The following CLYBL variants were observed in gnomAD, a reference collection of about 807,000 sequenced individuals.
The protein encoded by CLYBL is citramalyl-CoA lyase.
CLYBL carries 31 observed loss-of-function variants against 38.9 expected under a neutral mutation model. The observed-to-expected ratio is 0.80, with a 90% CI of 0.60 to 1.08. The LOEUF is 1.08. Ranked by LOEUF, CLYBL falls within the 50% of genes least tolerant of loss-of-function variation. The pLI is 0.00. For synonymous variants in CLYBL, 171 were observed against 158.6 expected (o/e 1.08, Z -0.59); for missense variants, 434 against 411.6 (o/e 1.05, Z -0.47).
chr13:99,846,608 T>C (rs1334724671), intron 2 of CLYBL, among the ~76,000 whole-genome samples: 1 of 152,224 alleles, frequency 6.6e-6, no homozygotes, highest in Non-Finnish European at 1.5e-5. Context: ...GATGCTGCCC[T>C]GCCACACAAG....
chr13:99,803,206 T>C (rs1467554008), intron 2 of CLYBL, among the ~76,000 whole-genome samples: 1 of 152,208 alleles, frequency 6.6e-6, no homozygotes, highest in Non-Finnish European at 1.5e-5. Context: ...CTAGGAAGGT[T>C]TTCTTTCCTC....
chr13:99,618,785 T>G (rs1431999335), intron 1 of CLYBL, among the ~76,000 whole-genome samples: 1 of 152,222 alleles, frequency 6.6e-6, no homozygotes, highest in East Asian at 1.9e-4. Flanking sequence ...CTCTAGGTAC[T>G]TCACATACAT....
chr13:99,644,088 CTT>C (rs781553141), intron 1 of CLYBL, among the ~76,000 whole-genome samples: 1 of 144,680 alleles, frequency 6.9e-6, no homozygotes, highest in African/African-American at 2.6e-5. Context: ...TCTTATGAAA[CTT>C]TTGGTTTTTT....
intron 2 of CLYBL, among the ~76,000 whole-genome samples, chr13:99,779,969 G>C (rs897776427): frequency 6.6e-6 from 1 of 152,012 alleles, no homozygotes; most frequent in African/African-American, 2.4e-5. Context: ...CTACTTACTA[G>C]ATGCAGAGTT....
chr13:99,703,986 T>G (rs1387813291), intron 1 of CLYBL, among the ~76,000 whole-genome samples: 2 of 152,216 alleles, frequency 1.3e-5, no homozygotes, highest in African/African-American at 4.8e-5. Flanking sequence ...GTGGAGATAT[T>G]CCTGTGTTTG....
At chr13:99,612,955 C>T (rs910973566) in intron 1 of CLYBL, among the ~76,000 whole-genome samples, 2 of 151,430 alleles carry the variant, frequency 1.3e-5, no homozygotes, top group Admixed American at 1.3e-4. Context: ...TTTGGGGTTT[C>T]AGTGAGCTGT....
At chr13:99,679,626 C>A (rs906240971) in intron 1 of CLYBL, among the ~76,000 whole-genome samples, 2 of 152,022 alleles carry the variant, frequency 1.3e-5, no homozygotes, top group African/African-American at 4.8e-5. Flanking sequence ...GAAGCACAGA[C>A]CTTTTAGATC....
chr13:99,822,956 G>A (rs1418276007), intron 2 of CLYBL, among the ~76,000 whole-genome samples: 2 of 152,108 alleles, frequency 1.3e-5, no homozygotes, highest in Non-Finnish European at 2.9e-5. Flanking sequence ...GATGAGGATT[G>A]AGCTCTCTTA....
chr13:99,607,073 C>T lies in CLYBL; in HGVS notation c.62+316C>T, dbSNP rs114555568. Among the ~76,000 whole-genome samples the T allele has an allele frequency of 7.6e-3, 1,152 of 152,342 alleles. 15 individuals are homozygous for T. The highest frequency in any genetic ancestry group is 0.026 in the African/African-American group (1,082 of 41,578). ...CGTGAACGCGCCAGTCTTTGAGAGG[C>T]GGCTTGCCTGGTGAAGAACACCTGC... On this transcript the variant is annotated intron_variant, in intron 1 of 8. Transcript: ENST00000339105.
intron 1 of CLYBL, among the ~76,000 whole-genome samples, chr13:99,668,947 C>A (rs1322122718): frequency 1.3e-5 from 2 of 151,562 alleles, no homozygotes; most frequent in Non-Finnish European, 2.9e-5. Flanking sequence ...GGGGAGAAGG[C>A]AGGAGGCAGA....
intron 7 of CLYBL, among the ~76,000 whole-genome samples, chr13:99,886,426 C>G (rs893196629): frequency 6.6e-6 from 1 of 152,254 alleles, no homozygotes; most frequent in African/African-American, 2.4e-5. Flanking sequence ...GATCCACGGG[C>G]AATGGCCGAG....
At chr13:99,805,502 G>A (rs945811409) in intron 2 of CLYBL, among the ~76,000 whole-genome samples, 15 of 151,668 alleles carry the variant, frequency 9.9e-5, no homozygotes, top group African/African-American at 2.9e-4. Context: ...GAAAGGGAGC[G>A]GTACTGACAA....
At chr13:99,827,242 T>C (rs2050712304) in intron 2 of CLYBL, among the ~76,000 whole-genome samples, 1 of 152,116 alleles carries the variant, frequency 6.6e-6, no homozygotes, top group African/African-American at 2.4e-5. Flanking sequence ...GTGACTGTGT[T>C]CCGTATACAC....
intron 1 of CLYBL, among the ~76,000 whole-genome samples, chr13:99,652,324 T>C (rs1387108285): frequency 6.6e-6 from 1 of 152,186 alleles, no homozygotes; most frequent in African/African-American, 2.4e-5. Context: ...ACCACAGGAC[T>C]AAACCTTCCA....
intron 2 of CLYBL, among the ~76,000 whole-genome samples, chr13:99,773,550 C>G (rs1168384708): frequency 6.6e-6 from 1 of 152,142 alleles, no homozygotes; most frequent in African/African-American, 2.4e-5. Context: ...CTAACTAATG[C>G]CTGATGATCT....
chr13:99,773,521 G>T (rs2049445086), intron 2 of CLYBL, among the ~76,000 whole-genome samples: 1 of 152,166 alleles, frequency 6.6e-6, no homozygotes, highest in South Asian at 2.1e-4. Flanking sequence ...GATCTAGGTT[G>T]CACGCTCCTT....
chr13:99,757,907 G>A (rs569009945), intron 1 of CLYBL, among the ~76,000 whole-genome samples: 7 of 152,258 alleles, frequency 4.6e-5, no homozygotes, highest in African/African-American at 1.7e-4. Flanking sequence ...TGAATAACCT[G>A]GAGACATTTA....
At chr13:99,768,137 A>G (rs187626153) in intron 1 of CLYBL, among the ~76,000 whole-genome samples, 3 of 150,792 alleles carry the variant, frequency 2.0e-5, no homozygotes, top group African/African-American at 7.3e-5. Context: ...GTGTATGCTG[A>G]GGAAAATATA....
At chr13:99,711,138 A>ATT (rs2048224743) in intron 1 of CLYBL, among the ~76,000 whole-genome samples, 2 of 152,108 alleles carry the variant, frequency 1.3e-5, no homozygotes, top group African/African-American at 2.4e-5. Flanking sequence ...TTGGCCTCCC[A>ATT]AAGTGCCAGG....
Sources: gnomAD v4.1 joint callset for allele counts (sites outside exome capture counted in the v4.1 genomes callset) on GRCh38, gnomAD v4.1.1 for gene constraint, MANE v1.5 for transcripts, NCBI Gene and HGNC (gene_info 2026-07-23, HGNC 2026-07-21) for gene names.